Variants in PLXDC2 observed in about 807,000 individuals in gnomAD.
The protein encoded by PLXDC2 is plexin domain-containing protein 2.
PLXDC2 carries 40 observed loss-of-function variants against 68.9 expected under a neutral mutation model. That is an observed-to-expected ratio of 0.58 (90% CI 0.45 to 0.76). The LOEUF is 0.76. PLXDC2 is among the 30% of genes least tolerant of loss of function. The probability of loss-of-function intolerance (pLI) is 0.00; values close to 1 mark genes in which losing one functional copy is unlikely to be tolerated. For synonymous variants in PLXDC2, 243 were observed against 234.2 expected (o/e 1.04, Z -0.34); for missense variants, 644 against 661.9 (o/e 0.97, Z 0.30).
intron 9 of PLXDC2, among the ~76,000 whole-genome samples, chr10:20,209,269 G>A (rs1420736024): frequency 3.3e-5 from 5 of 152,046 alleles, no homozygotes; most frequent in Non-Finnish European, 7.4e-5. Context: ...CCCTGAAGCG[G>A]CCATTTCAGA....
At chr10:19,989,223 A>C (rs1266361155) in intron 1 of PLXDC2, among the ~76,000 whole-genome samples, 1 of 152,224 alleles carries the variant, frequency 6.6e-6, no homozygotes, top group Non-Finnish European at 1.5e-5. Flanking sequence ...AAAAGTTTGT[A>C]AAGTACGTTT....
In PLXDC2 at chr10:19,828,470, C is replaced by T. The variant is rs117599561; in HGVS notation, c.112+11279C>T. The stretch of plus-strand genomic sequence containing the variant: ...GCTCAGCACAGTCCATGACTGGCTA[C>T]GGCTCTGAAGTCAGGCTTGGTGATC... On this transcript the variant is annotated intron_variant, in intron 1 of 13. Coordinates refer to ENST00000377252, the MANE Select transcript of PLXDC2 (RefSeq NM_032812.9). Among the ~76,000 whole-genome samples, 440 of 152,300 alleles carry T rather than the reference C, an allele frequency of 2.9e-3. 10 individuals are homozygous for T. The East Asian group carries it at 0.055, about 19-fold the overall frequency.
At chr10:20,267,265 C>G (rs1835883796) in intron 13 of PLXDC2, among the ~76,000 whole-genome samples, 1 of 152,144 alleles carries the variant, frequency 6.6e-6, no homozygotes, top group African/African-American at 2.4e-5. Flanking sequence ...TTAAGGCTGA[C>G]TGAAGGCCAT....
intron 4 of PLXDC2, among the ~76,000 whole-genome samples, chr10:20,121,724 A>G (rs148852885): frequency 0.052 from 7,904 of 152,214 alleles, 359 homozygotes; most frequent in African/African-American, 0.12. Flanking sequence ...ACCATGGGGT[A>G]GATAGGCAAA....
At chr10:19,818,549 G>C (rs1248898307) in intron 1 of PLXDC2, among the ~76,000 whole-genome samples, 1 of 152,126 alleles carries the variant, frequency 6.6e-6, no homozygotes, top group Non-Finnish European at 1.5e-5. Flanking sequence ...GTATGTGCAG[G>C]GAGGCAATAG....
At chr10:19,836,786 C>T (rs1031027114) in intron 1 of PLXDC2, among the ~76,000 whole-genome samples, 3 of 152,176 alleles carry the variant, frequency 2.0e-5, no homozygotes, top group African/African-American at 4.8e-5. Context: ...ATTGTTCTTT[C>T]GCCAATAAGG....
intron 4 of PLXDC2, among the ~76,000 whole-genome samples, chr10:20,089,778 A>G (rs529473398): frequency 2.0e-5 from 3 of 152,336 alleles, no homozygotes; most frequent in African/African-American, 7.2e-5. Flanking sequence ...ACTATGTGCT[A>G]GTTCACTGCA....
At chr10:20,007,250 A>G (rs917786621) in intron 2 of PLXDC2, among the ~76,000 whole-genome samples, 1 of 152,278 alleles carries the variant, frequency 6.6e-6, no homozygotes, top group East Asian at 1.9e-4. Flanking sequence ...CAATGATAGC[A>G]CCTCATAGGA....
At position 19,834,329 on chromosome 10, in the gene PLXDC2, TAGAG is replaced by T. The variant is rs72293743; in HGVS notation, c.112+17161_112+17164del. Among the ~76,000 whole-genome samples, 522 of 145,068 alleles carry T rather than the reference TAGAG, an allele frequency of 3.6e-3. 6 individuals are homozygous for T. Among genetic ancestry groups the T allele is most frequent in the African/African-American group, 9.8e-3 (390 of 39,602 alleles). On this transcript the variant is annotated intron_variant, in intron 1 of 13. Transcript: ENST00000377252. Reference sequence around the variant, plus strand: ...ACAAAATCACAGAGAAAGAGAGAGGTAGAGAGAGAGAGAGAGAGAGAGAGAGTGT... The same window carrying T: ...ACAAAATCACAGAGAAAGAGAGAGGTAGAGAGAGAGAGAGAGAGAGAGTGT...
At chr10:20,231,943 G>A (rs2131879310) in intron 12 of PLXDC2, among the ~76,000 whole-genome samples, 1 of 152,076 alleles carries the variant, frequency 6.6e-6, no homozygotes, top group African/African-American at 2.4e-5. Flanking sequence ...ACTTGAGCCT[G>A]GGAGACTGAC....
At chr10:19,886,291 C>T (rs1837844852) in intron 1 of PLXDC2, among the ~76,000 whole-genome samples, 1 of 152,100 alleles carries the variant, frequency 6.6e-6, no homozygotes, top group African/African-American at 2.4e-5. Flanking sequence ...ACAATCATGT[C>T]GTCTGCAAAC....
chr10:19,912,348 A>G (rs557542867), intron 1 of PLXDC2, among the ~76,000 whole-genome samples: 1 of 152,216 alleles, frequency 6.6e-6, no homozygotes, highest in Non-Finnish European at 1.5e-5. Context: ...AATCAATCTG[A>G]GCTTTCCCAT....
intron 3 of PLXDC2, among the ~76,000 whole-genome samples, chr10:20,066,171 G>T (rs1393597704): frequency 1.3e-5 from 2 of 152,206 alleles, no homozygotes; most frequent in Admixed American, 6.5e-5. Flanking sequence ...CATTTCAATA[G>T]GGGAGCATTT....
chr10:20,012,201 A>G (rs1008131313), intron 2 of PLXDC2, among the ~76,000 whole-genome samples: 2 of 151,558 alleles, frequency 1.3e-5, no homozygotes, highest in African/African-American at 4.9e-5. Context: ...GCAATGATTA[A>G]TATTTACACT....
At chr10:20,103,248 A>G (rs1333754813) in intron 4 of PLXDC2, among the ~76,000 whole-genome samples, 3 of 152,206 alleles carry the variant, frequency 2.0e-5, no homozygotes, top group Non-Finnish European at 2.9e-5. Context: ...CATATATAAA[A>G]ATGAAACCTG....
intron 2 of PLXDC2, among the ~76,000 whole-genome samples, chr10:20,045,824 T>A (rs1835788123): frequency 5.9e-5 from 9 of 152,188 alleles, no homozygotes; most frequent in Admixed American, 5.9e-4. Flanking sequence ...AAAATATTTT[T>A]TGTCTACTAA....
chr10:19,879,946 CT>C (rs893233671), intron 1 of PLXDC2, among the ~76,000 whole-genome samples: 5 of 152,090 alleles, frequency 3.3e-5, no homozygotes, highest in African/African-American at 1.2e-4. Context: ...TTGAAACAGA[CT>C]TTTAGTTGTT....
At chr10:19,963,952 T>A (rs1488552529) in intron 1 of PLXDC2, among the ~76,000 whole-genome samples, 1 of 152,210 alleles carries the variant, frequency 6.6e-6, no homozygotes, top group African/African-American at 2.4e-5. Context: ...TTTCACCTTC[T>A]ACATGCAGTG....
intron 4 of PLXDC2, among the ~76,000 whole-genome samples, chr10:20,088,972 G>A (rs551069297): frequency 6.6e-6 from 1 of 152,124 alleles, no homozygotes; most frequent in African/African-American, 2.4e-5. Context: ...TCAGGCATAA[G>A]CTGGGCTCAC....
Sources: allele counts gnomAD v4.1 joint callset (sites outside exome capture counted in the v4.1 genomes callset), GRCh38; gene constraint gnomAD v4.1.1; transcripts MANE v1.5; gene names NCBI Gene and HGNC (gene_info 2026-07-23, HGNC 2026-07-21).